Variants in PDE3B observed in about 807,000 individuals in gnomAD.
The protein encoded by PDE3B is cGMP-inhibited 3',5'-cyclic phosphodiesterase 3B.
PDE3B carries 66 observed loss-of-function variants against 116.8 expected under a neutral mutation model. The observed-to-expected ratio is 0.56, with a 90% confidence interval of 0.46 to 0.69. The LOEUF (loss-of-function observed/expected upper bound fraction) is 0.69, where lower values mean the gene tolerates loss of function less well. Among genes scored for constraint, PDE3B ranks in the 30% least tolerant of loss-of-function variants. The probability of loss-of-function intolerance (pLI) is 0.00; values close to 1 mark genes in which losing one functional copy is unlikely to be tolerated. For missense variants in PDE3B, 1,384 were observed against 1,368.1 expected, an observed-to-expected ratio of 1.01 and a Z score of -0.18; for synonymous variants, 595 against 533.6, an observed-to-expected ratio of 1.12 and a Z score of -1.59.
intron 1 of PDE3B, among the ~76,000 whole-genome samples, chr11:14,681,896 A>G (rs1195006118): frequency 1.3e-5 from 2 of 152,184 alleles, no homozygotes; most frequent in Admixed American, 6.6e-5. Context: ...TTGAAAATCT[A>G]CAAATAACTT....
chr11:14,684,098 C>G (rs1434498089), intron 1 of PDE3B, among the ~76,000 whole-genome samples: 1 of 152,022 alleles, frequency 6.6e-6, no homozygotes. Context: ...GGTACTTATC[C>G]TGGATAGATT....
At chr11:14,823,022 C>T (rs980783613) in intron 7 of PDE3B, among the ~76,000 whole-genome samples, 1 of 152,124 alleles carries the variant, frequency 6.6e-6, no homozygotes, top group Admixed American at 6.5e-5. Context: ...GACCTCTCTT[C>T]TCCTCACTGG....
intron 12 of PDE3B, among the ~76,000 whole-genome samples, chr11:14,847,571 C>A (rs1847637700): frequency 6.6e-6 from 1 of 151,580 alleles, no homozygotes; most frequent in South Asian, 2.1e-4. Flanking sequence ...TTGAAAGGAT[C>A]AACAAAATTG....
At chr11:14,729,571 A>T (rs2133852399) in intron 1 of PDE3B, among the ~76,000 whole-genome samples, 1 of 152,332 alleles carries the variant, frequency 6.6e-6, no homozygotes, top group African/African-American at 2.4e-5. Context: ...AGATTTTATA[A>T]TTTTCTATGT....
intron 2 of PDE3B, among the ~76,000 whole-genome samples, chr11:14,777,363 T>A (rs774906854): frequency 1.4e-4 from 22 of 152,192 alleles, no homozygotes; most frequent in Non-Finnish European, 2.8e-4. Flanking sequence ...CTTCCCAGAT[T>A]TAGCCAAAAA....
chr11:14,867,370 A>G (rs1201804802), intron 14 of PDE3B, 136 bp from the exon 15 acceptor site: 4 of 683,670 alleles, frequency 5.9e-6, no homozygotes, highest in African/African-American at 1.8e-5. Flanking sequence ...TTGAAATGAT[A>G]GATTGATGCT....
intron 1 of PDE3B, among the ~76,000 whole-genome samples, chr11:14,765,659 GA>G (rs1857478064): frequency 6.6e-6 from 1 of 151,432 alleles, no homozygotes; most frequent in African/African-American, 2.4e-5. Flanking sequence ...AGCACAGAAG[GA>G]AAGAGGTAAA....
At chr11:14,696,921 A>G (rs1013724623) in intron 1 of PDE3B, among the ~76,000 whole-genome samples, 1 of 152,094 alleles carries the variant, frequency 6.6e-6, no homozygotes, top group African/African-American at 2.4e-5. Context: ...ATTTTGTTCT[A>G]GAAGTTTTAT....
intron 1 of PDE3B, among the ~76,000 whole-genome samples, chr11:14,711,649 C>T (rs1477334301): frequency 2.0e-5 from 3 of 152,092 alleles, no homozygotes; most frequent in Non-Finnish European, 4.4e-5. Flanking sequence ...AAGGATAGCA[C>T]CAAGCCATGA....
At chr11:14,782,814 T>C (rs189970024) in intron 2 of PDE3B, among the ~76,000 whole-genome samples, 18 of 152,132 alleles carry the variant, frequency 1.2e-4, no homozygotes, top group Non-Finnish European at 2.6e-4. Flanking sequence ...ACCATCAGAA[T>C]GAACAGGCAA....
At chr11:14,890,917 C>T in the PDE3B span, 2 of 985,268 alleles carry the variant, frequency 2.0e-6, no homozygotes, top group Non-Finnish European at 2.4e-6. Context: ...ACCACAGTTG[C>T]CAAACATCCC....
At chr11:14,880,375 T>C in the PDE3B span, 4 of 1,613,390 alleles carry the variant, frequency 2.5e-6, no homozygotes, top group Non-Finnish European at 2.5e-6. Context: ...GAGAAAATCA[T>C]AGACTACAGC....
chr11:14,848,716 T>G (rs890124950), intron 12 of PDE3B, among the ~76,000 whole-genome samples: 35 of 152,124 alleles, frequency 2.3e-4, no homozygotes, highest in African/African-American at 8.4e-4. Flanking sequence ...CAGAGCCAAA[T>G]CATGAGTGAA....
intron 5 of PDE3B, among the ~76,000 whole-genome samples, chr11:14,816,496 T>C (rs904977164): frequency 6.6e-6 from 1 of 152,240 alleles, no homozygotes; most frequent in Non-Finnish European, 1.5e-5. Context: ...TTTGAGGCAC[T>C]CAGCAAAGGT....
chr11:14,778,831 T>G (rs1008360590), intron 2 of PDE3B, among the ~76,000 whole-genome samples: 2 of 152,148 alleles, frequency 1.3e-5, no homozygotes, highest in African/African-American at 4.8e-5. Flanking sequence ...TTTGACGAGT[T>G]GAGAGAAGAA....
intron 12 of PDE3B, among the ~76,000 whole-genome samples, chr11:14,850,981 ATTTTT>A (rs143254814): frequency 1.9e-5 from 2 of 103,396 alleles, no homozygotes; most frequent in Non-Finnish European, 2.0e-5. Flanking sequence ...ACACCCAGCT[ATTTTT>A]TTTTTTTTTT....
chr11:14,723,429 A>G (rs889668871), intron 1 of PDE3B, among the ~76,000 whole-genome samples: 1 of 152,178 alleles, frequency 6.6e-6, no homozygotes, highest in Non-Finnish European at 1.5e-5. Flanking sequence ...GGTCAGTACT[A>G]TGAAGATGAG....
intron 11 of PDE3B, 87 bp downstream of exon 11, chr11:14,835,182 T>G: frequency 1.2e-6 from 1 of 829,540 alleles, no homozygotes; most frequent in Non-Finnish European, 1.9e-6. Context: ...TCTTTTAAGT[T>G]TTTCATTAAG....
intron 12 of PDE3B, among the ~76,000 whole-genome samples, chr11:14,858,575 T>TA (rs1208755864): frequency 1.3e-5 from 2 of 152,172 alleles, no homozygotes; most frequent in African/African-American, 4.8e-5. Context: ...GTCTCTTACT[T>TA]ACCCTGGACA....
Sources: allele counts gnomAD v4.1 joint callset (sites outside exome capture counted in the v4.1 genomes callset), GRCh38; gene constraint gnomAD v4.1.1; transcripts MANE v1.5; gene names NCBI Gene and HGNC (gene_info 2026-07-23, HGNC 2026-07-21).